GNAL: variants seen among roughly 807,000 people sequenced by gnomAD.
GNAL encodes the protein G protein subunit alpha L.
Under a neutral mutation model 55.1 loss-of-function variants are expected in GNAL, and 18 were observed. That is an observed-to-expected ratio of 0.33 (90% CI 0.23 to 0.48). GNAL has a LOEUF of 0.48. GNAL is among the 20% of genes least tolerant of loss of function. The probability of loss-of-function intolerance (pLI) is 0.99; values close to 1 mark genes in which losing one functional copy is unlikely to be tolerated. For missense variants in GNAL, 412 were observed against 614.1 expected (o/e 0.67, Z 3.48); for synonymous variants, 253 against 237.0 (o/e 1.07, Z -0.62).
rs934977761 is a variant in GNAL, at chr18:11,883,106, AT to A, written c.*1975del. 2.0e-5 allele frequency: 3 copies of A among 152,304 alleles called. No individual in the cohort carries two copies. The highest frequency in any genetic ancestry group is 7.2e-5 in the African/African-American group (3 of 41,570). 9.4% of individuals were successfully genotyped at this position (152,304 alleles called of 1,614,324 possible). ...TTTAAAGTTTACTCTATAAATCAGC[AT>A]TTTGTAATCCTTTATAAACTCATCC... On this transcript the variant is annotated 3_prime_UTR_variant, in exon 12 of 12. Transcript: ENST00000334049.
chr18:11,851,903 A>G (rs769482223), intron 5 of GNAL: 1 of 1,613,914 alleles, frequency 6.2e-7, no homozygotes, highest in Non-Finnish European at 8.5e-7. Flanking sequence ...CAGACGCAGC[A>G]AATGGAAGAC....
At chr18:11,743,132 T>G (rs2032614735) in intron 1 of GNAL, among the ~76,000 whole-genome samples, 1 of 152,210 alleles carries the variant, frequency 6.6e-6, no homozygotes, top group African/African-American at 2.4e-5. Context: ...CAGACAGACA[T>G]TACTGAATTC....
rs2032835654 is a variant in GNAL, at chr18:11,751,677, T to C, written c.377-1176T>C. On this transcript the variant is annotated intron_variant, in intron 1 of 11. Transcript: ENST00000334049. The surrounding 1 kb of genome is among the most constrained non-coding windows in gnomAD (Gnocchi z 4.5). The stretch of plus-strand genomic sequence containing the variant: ...GGCGGCCGCGGCGCAGCGGAGGGGC[T>C]GCGGGCCCGGAACCCAGGCCGGTCA... The C allele has an allele frequency of 3.0e-6, 3 of 984,896 alleles. No individual in the cohort carries two copies. The African/African-American group carries it at 5.2e-5, about 17-fold the overall frequency. 61.0% of individuals were successfully genotyped at this position (984,896 alleles called of 1,614,324 possible).
Position 11,757,028 on chromosome 18 carries a change from G to T in GNAL, c.624+3083G>T, listed in dbSNP as rs538400772. Among the ~76,000 whole-genome samples the T allele has an allele frequency of 3.9e-5, 6 of 152,110 alleles. No homozygotes were observed. In the East Asian group the frequency reaches 1.2e-3, roughly 29 times the overall value. ...TATTAAAGTTAAAAATTAATTTTAG[G>T]GTTCTTCAATTTAAGAAGGAAAAGG... On this transcript the variant is annotated intron_variant, in intron 4 of 11. Transcript: ENST00000334049.
At chr18:11,777,344 C>T (rs997262264) in intron 4 of GNAL, among the ~76,000 whole-genome samples, 2 of 152,220 alleles carry the variant, frequency 1.3e-5, no homozygotes, top group African/African-American at 4.8e-5. Flanking sequence ...GTTACTCTAG[C>T]TGACCTGCTT....
intron 7 of GNAL, among the ~76,000 whole-genome samples, chr18:11,865,475 C>T (rs2036241587): frequency 6.7e-6 from 1 of 148,588 alleles, no homozygotes; most frequent in African/African-American, 2.6e-5. Flanking sequence ...TCAGGCCAGG[C>T]ATAGTGATTC....
chr18:11,763,788 T>C (rs1039657830), intron 4 of GNAL, among the ~76,000 whole-genome samples: 1 of 152,244 alleles, frequency 6.6e-6, no homozygotes, highest in East Asian at 1.9e-4. Flanking sequence ...GTCAGTAATC[T>C]AATCCAGGAT....
At chr18:11,735,478 G>A (rs1425179214) in intron 1 of GNAL, among the ~76,000 whole-genome samples, 2 of 152,132 alleles carry the variant, frequency 1.3e-5, no homozygotes, top group African/African-American at 4.8e-5. Flanking sequence ...GTGACCAGGT[G>A]TGAAGCTCAC....
At chr18:11,825,221 A>G (rs2035209315) in intron 5 of GNAL, among the ~76,000 whole-genome samples, 2 of 152,172 alleles carry the variant, frequency 1.3e-5, no homozygotes, top group Admixed American at 6.5e-5. Flanking sequence ...GAGAACCAGA[A>G]AGTTTCGTTC....
chr18:11,830,308 C>T (rs1355680357), intron 5 of GNAL, among the ~76,000 whole-genome samples: 8 of 55,756 alleles, frequency 1.4e-4, no homozygotes, highest in East Asian at 1.2e-3. Context: ...TTTTTTGAGG[C>T]GGAGTTTCGC....
Position 11,872,319 on chromosome 18 carries a change from G to T in GNAL, c.1083G>T (p.Leu361=). The T allele has an allele frequency of 6.3e-7, 1 of 1,575,604 alleles. No individual in the cohort carries two copies. The change falls in exon 10 of 12, where the codon CTG becomes CTT. Residue 361 remains leucine, a synonymous_variant. Transcript: ENST00000334049. The part of the protein sequence containing the change: ...IILFLNKQDM[L]AEKVLAGKSK... ...TGTTCTTGAACAAACAAGATATGCT[G>T]GCAGAAAAAGTCTTGGCAGGGAAAT...
chr18:11,813,233 C>T (rs746879597), intron 4 of GNAL, among the ~76,000 whole-genome samples: 9 of 131,924 alleles, frequency 6.8e-5, no homozygotes, highest in Non-Finnish European at 1.4e-4. Context: ...CCAGCTCTGG[C>T]GACAGGGTGA....
chr18:11,749,025 C>A (rs1005305522), intron 1 of GNAL, among the ~76,000 whole-genome samples: 1 of 149,910 alleles, frequency 6.7e-6, no homozygotes, highest in African/African-American at 2.5e-5. Context: ...ACTCGGGAGG[C>A]TGAGGCATGA....
chr18:11,798,726 T>C (rs112522227), intron 4 of GNAL, among the ~76,000 whole-genome samples: 38 of 152,354 alleles, frequency 2.5e-4, no homozygotes, highest in African/African-American at 8.7e-4. Flanking sequence ...TTTAAGGATA[T>C]TTTCTCTTGT....
Position 11,689,916 on chromosome 18 carries a change from A to C in GNAL, c.353A>C (p.Gln118Pro). 1 of 1,440,980 alleles carries C rather than the reference A, an allele frequency of 6.9e-7. No individual in the cohort carries two copies. Among genetic ancestry groups the C allele is most frequent in the Non-Finnish European group, 9.1e-7 (1 of 1,094,048 alleles). 89.3% of individuals were successfully genotyped at this position (1,440,980 alleles called of 1,614,324 possible). Residue 118 changes from glutamine (Q) to proline (P), a missense_variant, in exon 1 of 12, where the codon CAG (glutamine) becomes CCG (proline). By Grantham distance (76) the Gln-to-Pro change is moderately conservative (BLOSUM62 -1). Around this residue, in one of 5 missense-constraint regions of GNAL, gnomAD observed 228 missense variants for 194.8 expected, o/e 1.17. Coordinates refer to ENST00000334049, the MANE Select transcript of GNAL (RefSeq NM_182978.4). ...MLRDQKRDLQQTHRLLLLGAG... is the reference protein window; with the variant it reads ...MLRDQKRDLQPTHRLLLLGAG... Reference sequence around the variant, plus strand: ...CGCGACCAGAAGCGCGACCTGCAGCAGACGCACCGGCTCCTGCTGCTCGGT... The same window carrying C: ...CGCGACCAGAAGCGCGACCTGCAGCCGACGCACCGGCTCCTGCTGCTCGGT...
intron 4 of GNAL, among the ~76,000 whole-genome samples, chr18:11,776,623 G>A (rs945477080): frequency 1.1e-4 from 16 of 149,744 alleles, no homozygotes; most frequent in African/African-American, 3.7e-4. Context: ...TGGGAGGATT[G>A]CTTGAGCCCA....
At chr18:11,859,777 ACT>A (rs1206222455) in intron 5 of GNAL, among the ~76,000 whole-genome samples, 1 of 147,944 alleles carries the variant, frequency 6.8e-6, no homozygotes, top group Non-Finnish European at 1.5e-5. Flanking sequence ...ACGGAGTCTC[ACT>A]CTATCGCCCA....
chr18:11,865,836 T>C (rs1299768459), intron 7 of GNAL, among the ~76,000 whole-genome samples: 1 of 146,710 alleles, frequency 6.8e-6, no homozygotes, highest in Admixed American at 6.7e-5. Flanking sequence ...CCATTGCATA[T>C]CTACTATGCA....
chr18:11,721,076 T>C (rs1055259999), intron 1 of GNAL, among the ~76,000 whole-genome samples: 2 of 152,236 alleles, frequency 1.3e-5, no homozygotes, highest in Admixed American at 6.5e-5. Context: ...AGTGTTCATC[T>C]CAGCTCTAAG....
Sources: allele counts gnomAD v4.1 joint callset (sites outside exome capture counted in the v4.1 genomes callset), GRCh38; gene constraint gnomAD v4.1.1; regional missense constraint gnomAD v4.1.1; non-coding constraint Gnocchi (gnomAD v3.1); transcripts MANE v1.5; gene names NCBI Gene and HGNC (gene_info 2026-07-23, HGNC 2026-07-21).